MYOCD: variants seen among roughly 807,000 people sequenced by gnomAD.
The protein encoded by MYOCD is myocardin.
A neutral mutation model predicts 96.1 loss-of-function variants in MYOCD; 32 were observed. The observed-to-expected ratio is 0.33, with a 90% CI of 0.25 to 0.45. MYOCD has a LOEUF of 0.45. MYOCD is among the 20% of genes least tolerant of loss of function. MYOCD has a pLI of 1.00. For synonymous variants in MYOCD, 469 were observed against 469.0 expected (o/e 1.00, Z 0.00); for missense variants, 1,133 against 1,200.6 (o/e 0.94, Z 0.83).
chr17:12,762,830 C>G, intron 13 of MYOCD: 4 of 493,154 alleles, frequency 8.1e-6, no homozygotes, highest in Non-Finnish European at 1.4e-5. Flanking sequence ...GAGGAGTAGG[C>G]CAGGAACCTT....
intron 2 of MYOCD, among the ~76,000 whole-genome samples, chr17:12,707,359 C>A (rs976063): frequency 0.033 from 5,021 of 152,090 alleles, 252 homozygotes; most frequent in African/African-American, 0.11. Context: ...CAATAATAAG[C>A]AAGATGGTCC....
chr17:12,726,030 C>G (rs569110283), intron 5 of MYOCD, among the ~76,000 whole-genome samples: 1 of 152,056 alleles, frequency 6.6e-6, no homozygotes, highest in Non-Finnish European at 1.5e-5. Context: ...CTAGAAATTG[C>G]TAGTATTTTA....
Position 12,739,330 on chromosome 17 carries a change from T to C in MYOCD, c.717+2T>C, listed in dbSNP as rs770389747. ...ATAGCCGTGCATGCTGCTGTAAAGG[T>C]ACGGACACATCAGCCTCCAAGCCCT... On this transcript the variant is annotated splice_donor_variant, in intron 7 of 13. Transcript: ENST00000425538. LOFTEE classifies it high-confidence loss of function. The C allele has an allele frequency of 6.4e-7, 1 of 1,563,982 alleles. No individual in the cohort carries two copies. Among genetic ancestry groups the C allele is most frequent in the South Asian group, 1.2e-5 (1 of 83,118 alleles).
At chr17:12,696,922 C>T (rs2030779599) in intron 1 of MYOCD, among the ~76,000 whole-genome samples, 1 of 152,048 alleles carries the variant, frequency 6.6e-6, no homozygotes, top group African/African-American at 2.4e-5. Flanking sequence ...TAGGATGAGC[C>T]AGGAGCTAGT....
rs914494242 is a variant in MYOCD, at chr17:12,764,010, T to C, written c.*366T>C. ...CTGTAAGCTTTTCTCATGAATTCAC[T>C]AGACATAACGTGGAAGGAAAACGTA... On this transcript the variant is annotated 3_prime_UTR_variant, in exon 14 of 14. Coordinates refer to ENST00000425538, the MANE Select transcript of MYOCD (RefSeq NM_001146312.3). The C allele has an allele frequency of 6.0e-6, 1 of 167,332 alleles. No individual in the cohort carries two copies. Among genetic ancestry groups the C allele is most frequent in the Non-Finnish European group, 1.3e-5 (1 of 78,510 alleles). The allele number at this position is 167,332 out of a possible 1,614,324, so 10.4% of individuals were successfully genotyped here. A position where few individuals can be genotyped will look rare whatever the true frequency, so the allele number is the denominator to read the frequency against.
chr17:12,714,255 T>C (rs1387487297), intron 2 of MYOCD, among the ~76,000 whole-genome samples: 1 of 150,966 alleles, frequency 6.6e-6, no homozygotes, highest in Admixed American at 6.6e-5. Context: ...GTCTGCTTGA[T>C]CTCCAGCAAA....
intron 1 of MYOCD, among the ~76,000 whole-genome samples, chr17:12,688,000 C>A (rs56710681): frequency 6.6e-6 from 1 of 152,080 alleles, no homozygotes. Context: ...TAACTTCTCT[C>A]TGATTCTTTG....
In MYOCD at chr17:12,763,372, G is replaced by C. The variant is rs772264210; in HGVS notation, c.2689G>C (p.Asp897His). 13 of 1,599,278 alleles carry C rather than the reference G, an allele frequency of 8.1e-6. No homozygotes were observed. The Admixed American group carries it at 2.2e-4, about 27-fold the overall frequency. ...MDGFSGKAAE[D>H]LFNAHEILPG... ...TGGATTCTCTGGGAAGGCTGCAGAA[G>C]ACCTCTTCAATGCACATGAGATCTT... is the stretch of plus-strand genomic sequence containing the variant. Residue 897 changes from aspartate to histidine, a missense_variant, in exon 14 of 14, where the codon GAC becomes CAC. Asp to His is a moderately conservative substitution (Grantham distance 81). Coordinates refer to ENST00000425538, the MANE Select transcript of MYOCD (RefSeq NM_001146312.3).
At chr17:12,737,503 C>G (rs1049847286) in intron 6 of MYOCD, among the ~76,000 whole-genome samples, 3 of 152,026 alleles carry the variant, frequency 2.0e-5, no homozygotes, top group Non-Finnish European at 4.4e-5. Flanking sequence ...GGAAATCCAG[C>G]CAGAGGTATG....
Position 12,766,095 on chromosome 17 carries a change from G to T in MYOCD, c.*2451G>T, listed in dbSNP as rs2033331952. On this transcript the variant is annotated 3_prime_UTR_variant, in exon 14 of 14. Coordinates refer to ENST00000425538, the MANE Select transcript of MYOCD (RefSeq NM_001146312.3). ...ATTCCTCAGCTGTTGGTGTTTTCTT[G>T]GGGTCTTGACAAAGCTTGCTGGTCA... The T allele has an allele frequency of 6.6e-6, 1 of 152,136 alleles. No homozygotes were observed. Among genetic ancestry groups the T allele is most frequent in the Admixed American group, 6.5e-5 (1 of 15,272 alleles). 9.4% of individuals were successfully genotyped at this position (152,136 alleles called of 1,614,324 possible).
At chr17:12,667,752 G>GT (rs538789985) in intron 1 of MYOCD, among the ~76,000 whole-genome samples, 45 of 152,280 alleles carry the variant, frequency 3.0e-4, no homozygotes, top group African/African-American at 1.1e-3. Flanking sequence ...AGGGAAGTCA[G>GT]TTTTTGCCAC....
At chr17:12,689,310 T>C (rs1236605461) in intron 1 of MYOCD, among the ~76,000 whole-genome samples, 1 of 152,162 alleles carries the variant, frequency 6.6e-6, no homozygotes. Flanking sequence ...TGTAACTTCT[T>C]GGAAAGAATC....
At chr17:12,723,324 C>A (rs1359035017) in intron 5 of MYOCD, among the ~76,000 whole-genome samples, 1 of 152,100 alleles carries the variant, frequency 6.6e-6, no homozygotes, top group African/African-American at 2.4e-5. Flanking sequence ...CAGTCATGGT[C>A]CTGTTTAGCC....
At chr17:12,742,761 A>C (rs1341067208) in intron 7 of MYOCD, among the ~76,000 whole-genome samples, 1 of 151,866 alleles carries the variant, frequency 6.6e-6, no homozygotes, top group East Asian at 1.9e-4. Flanking sequence ...TACCAGAGAC[A>C]GGGTTTCACC....
At chr17:12,678,340 T>C (rs1910223943) in intron 1 of MYOCD, among the ~76,000 whole-genome samples, 1 of 151,642 alleles carries the variant, frequency 6.6e-6, no homozygotes, top group Non-Finnish European at 1.5e-5. Context: ...AAAGGCATAA[T>C]AATTAAACTT....
intron 1 of MYOCD, among the ~76,000 whole-genome samples, chr17:12,704,429 A>G (rs530477232): frequency 4.5e-4 from 68 of 152,184 alleles, no homozygotes; most frequent in Non-Finnish European, 7.6e-4. Context: ...TAGATACGTA[A>G]TATTGGGAAC....
intron 4 of MYOCD, among the ~76,000 whole-genome samples, chr17:12,721,592 C>T (rs2031842365): frequency 1.3e-5 from 2 of 152,158 alleles, no homozygotes; most frequent in African/African-American, 2.4e-5. Flanking sequence ...AAGGACCAGG[C>T]TCTCTGGAAT....
At chr17:12,701,747 G>A (rs717797) in intron 1 of MYOCD, among the ~76,000 whole-genome samples, 71,351 of 151,838 alleles carry the variant, frequency 0.47, 18,611 homozygotes, top group African/African-American at 0.72. Flanking sequence ...ATGATATGAA[G>A]TAGTTATAAT....
intron 7 of MYOCD, among the ~76,000 whole-genome samples, chr17:12,742,970 C>T (rs573555705): frequency 3.3e-5 from 5 of 152,194 alleles, no homozygotes; most frequent in Non-Finnish European, 7.4e-5. Flanking sequence ...ACATAATTAC[C>T]TGTTCATTGA....
Sources: allele counts gnomAD v4.1 joint callset (sites outside exome capture counted in the v4.1 genomes callset), GRCh38; gene constraint gnomAD v4.1.1; transcripts MANE v1.5; gene names NCBI Gene and HGNC (gene_info 2026-07-23, HGNC 2026-07-21).